Variants in SLC66A2 observed in about 807,000 individuals in gnomAD.
SLC66A2 encodes the protein solute carrier family 66 member 2, also known as PQ loop repeat containing 1.
In SLC66A2, 23 loss-of-function variants were observed where a neutral mutation model predicts 25.5. The ratio of observed to expected loss-of-function variants is 0.90; its 90% CI spans 0.65 to 1.28. SLC66A2 has a LOEUF of 1.28. Ranked by LOEUF, SLC66A2 falls within the 50% of genes most tolerant of loss-of-function variation. The pLI is 0.00. For synonymous variants in SLC66A2, 193 were observed against 166.5 expected, an observed-to-expected ratio of 1.16 and a Z score of -1.23; for missense variants, 396 against 373.1, an observed-to-expected ratio of 1.06 and a Z score of -0.51.
At chr18:79,930,802 T>C (rs1309346416) in intron 4 of SLC66A2, among the ~76,000 whole-genome samples, 1 of 152,208 alleles carries the variant, frequency 6.6e-6, no homozygotes, top group Non-Finnish European at 1.5e-5. Context: ...AATAACTCCA[T>C]AATATATGTT....
intron 3 of SLC66A2, among the ~76,000 whole-genome samples, chr18:79,938,729 T>C (rs1239386455): frequency 4.6e-5 from 7 of 152,218 alleles, no homozygotes; most frequent in Non-Finnish European, 2.9e-5. Context: ...CAGGCTGGAA[T>C]GCAATGGCCC....
At chr18:79,925,570 G>A (rs560955390) in intron 4 of SLC66A2, among the ~76,000 whole-genome samples, 2 of 152,358 alleles carry the variant, frequency 1.3e-5, no homozygotes, top group East Asian at 3.9e-4. Flanking sequence ...TCGCACGGGC[G>A]TGGCTGCCCT....
intron 5 of SLC66A2, among the ~76,000 whole-genome samples, chr18:79,913,207 ACACACTGTCGGGGTC>A (rs1350701494): frequency 2.0e-5 from 3 of 152,142 alleles, no homozygotes; most frequent in Non-Finnish European, 4.4e-5. Flanking sequence ...CACGGTGGTC[ACACACTGTCGGGGTC>A]CACACAGGCA....
chr18:79,919,481 G>C, intron 4 of SLC66A2, 81 bp from the exon 5 acceptor site: 1 of 1,181,314 alleles, frequency 8.5e-7, no homozygotes, highest in Non-Finnish European at 1.2e-6. Context: ...AGACGGAACC[G>C]AGTGAGAGGT....
Position 79,908,723 on chromosome 18 carries a change from G to A in SLC66A2, c.609-4540C>T, listed in dbSNP as rs563725079. ...TTTTCAATTGCTTCCTGTTCAGAAT[G>A]GACATTTTTTAATGATCTGCCTTCA... On this transcript the variant is annotated intron_variant, in intron 5 of 5. Coordinates refer to ENST00000397778, the MANE Select transcript of SLC66A2 (RefSeq NM_025078.5). Among the ~76,000 whole-genome samples the A allele has an allele frequency of 1.3e-5, 2 of 152,206 alleles. 1 individual carries two copies. The highest frequency in any genetic ancestry group is 4.8e-5 in the African/African-American group (2 of 41,520).
intron 4 of SLC66A2, chr18:79,930,144 G>A (rs1354200853): frequency 6.6e-6 from 1 of 152,134 alleles, no homozygotes; most frequent in African/African-American, 2.4e-5. Context: ...TCCACACCCT[G>A]ACACATCACA....
chr18:79,934,330 A>G (rs1452944745), intron 3 of SLC66A2, among the ~76,000 whole-genome samples: 1 of 152,240 alleles, frequency 6.6e-6, no homozygotes, highest in Non-Finnish European at 1.5e-5. Flanking sequence ...GAAAGGCAGC[A>G]TGGGAGCCCG....
At chr18:79,914,615 G>A (rs1003357236) in intron 5 of SLC66A2, among the ~76,000 whole-genome samples, 6 of 152,204 alleles carry the variant, frequency 3.9e-5, no homozygotes, top group Admixed American at 1.3e-4. Flanking sequence ...AACCCAGGCC[G>A]GGGAGGGCTG....
At chr18:79,932,576 A>G (rs997492372) in intron 4 of SLC66A2, among the ~76,000 whole-genome samples, 2 of 152,114 alleles carry the variant, frequency 1.3e-5, no homozygotes, top group Non-Finnish European at 2.9e-5. Flanking sequence ...AGACTGACCA[A>G]AAAAAGAAAG....
Position 79,908,095 on chromosome 18 carries a change from T to G in SLC66A2, c.609-3912A>C, listed in dbSNP as rs1599482568. Among the ~76,000 whole-genome samples, 4 of 152,300 alleles carry G rather than the reference T, an allele frequency of 2.6e-5. No individual in the cohort carries two copies. The South Asian group carries it at 8.3e-4, about 32-fold the overall frequency. ...ACAATGTTATATTTTTTGCTAACTT[T>G]CACACATATTTTAAATAACTTAAGA... is the stretch of plus-strand genomic sequence containing the variant. On this transcript the variant is annotated intron_variant, in intron 5 of 5. Transcript: ENST00000397778.
In SLC66A2 at chr18:79,945,606, A is replaced by G. The variant is rs1329333783; in HGVS notation, c.204-2144T>C. On this transcript the variant is annotated intron_variant, in intron 2 of 5. Coordinates refer to ENST00000397778, the MANE Select transcript of SLC66A2 (RefSeq NM_025078.5). ...AAGGGAGGGTGATGGGCCCGGGGAT[A>G]GAGGACGGCCAGCAGCAAAGAGGCA... is the stretch of plus-strand genomic sequence containing the variant. Among the ~76,000 whole-genome samples the G allele has an allele frequency of 5.3e-5, 8 of 152,356 alleles. No individual in the cohort carries two copies. In the South Asian group the frequency reaches 1.4e-3, roughly 28 times the overall value.
Position 79,903,900 on chromosome 18 carries a change from C to G in SLC66A2, c.*76G>C. The G allele has an allele frequency of 1.4e-6, 2 of 1,382,016 alleles. No homozygotes were observed. Among genetic ancestry groups the G allele is most frequent in the East Asian group, 2.5e-5 (1 of 39,966 alleles). The allele number at this position is 1,382,016 out of a possible 1,614,324, so 85.6% of individuals were successfully genotyped here. A position where few individuals can be genotyped will look rare whatever the true frequency, so the allele number is the denominator to read the frequency against. On this transcript the variant is annotated 3_prime_UTR_variant, in exon 6 of 6. Coordinates refer to ENST00000397778, the MANE Select transcript of SLC66A2 (RefSeq NM_025078.5). Reference sequence around the variant, plus strand: ...TGCCACACCTGCAGGGGCCACAGCACCCACCCTCCCCGCGGGGAGGTCAGG... The same window carrying G: ...TGCCACACCTGCAGGGGCCACAGCAGCCACCCTCCCCGCGGGGAGGTCAGG...
chr18:79,904,037 G>A lies in SLC66A2; in HGVS notation c.755C>T (p.Ala252Val). The change falls in exon 6 of 6, where the codon GCC becomes GTC. Residue 252 changes from alanine (A) to valine (V), a missense_variant. Coordinates refer to ENST00000397778, the MANE Select transcript of SLC66A2 (RefSeq NM_025078.5). This position sits in a 1 kb window ranked among gnomAD's most constrained non-coding sequence, Gnocchi z 6.3. ...LAILGQAYAF[A>V]RHPQKPAPHA... is the part of the protein sequence containing the mutation. ...GGGCGCCGGCTTCTGGGGGTGGCGG[G>A]CGAAGGCGTAGGCCTGCCCCAGGAT... 1 of 1,607,132 alleles carries A rather than the reference G, an allele frequency of 6.2e-7. No individual in the cohort carries two copies. The highest frequency in any genetic ancestry group is 1.1e-5 in the South Asian group (1 of 90,804).
intron 5 of SLC66A2, among the ~76,000 whole-genome samples, chr18:79,913,896 C>G (rs35602283): frequency 6.6e-6 from 1 of 152,294 alleles, no homozygotes; most frequent in Admixed American, 6.5e-5. Context: ...GCTCATGTCA[C>G]CATTCGCCAC....
chr18:79,947,756 TC>T (rs1274868088), intron 2 of SLC66A2, among the ~76,000 whole-genome samples: 4 of 151,402 alleles, frequency 2.6e-5, no homozygotes, highest in Non-Finnish European at 4.4e-5. Flanking sequence ...AAAGCACAAA[TC>T]CTCTGCCCTA....
At position 79,929,254 on chromosome 18, in the gene SLC66A2, T is replaced by A. The variant is rs139605458; in HGVS notation, c.391+4715A>T. Among the ~76,000 whole-genome samples the A allele has an allele frequency of 2.1e-3, 324 of 151,934 alleles. 1 individual carries two copies. The Middle Eastern group carries it at 0.037, about 18-fold the overall frequency. On this transcript the variant is annotated intron_variant, in intron 4 of 5. Transcript: ENST00000397778. ...ACCCTGCCCAGCTGTGGGGAATACA[T>A]CCCCCAGGGCATCATCAAATCAGCC... is the stretch of plus-strand genomic sequence containing the variant.
In SLC66A2 at chr18:79,947,906, G is replaced by A. The variant is rs1377550306; in HGVS notation, c.203+2818C>T. ...CTGCACAGCAGGACCTGGGGACCGG[G>A]TGGGCACAAGAGGATGTGTGGTAGG... is the stretch of plus-strand genomic sequence containing the variant. On this transcript the variant is annotated intron_variant, in intron 2 of 5. Coordinates refer to ENST00000397778, the MANE Select transcript of SLC66A2 (RefSeq NM_025078.5). 2.6e-5 allele frequency among the ~76,000 whole-genome samples: 4 copies of A among 152,176 alleles called. No individual in the cohort carries two copies. The East Asian group carries it at 7.7e-4, about 29-fold the overall frequency.
chr18:79,951,270 C>T (rs1484443564), intron 1 of SLC66A2, among the ~76,000 whole-genome samples: 9 of 151,380 alleles, frequency 5.9e-5, no homozygotes, highest in African/African-American at 2.2e-4. Flanking sequence ...CTGGGGTCAC[C>T]GCCCGGGTGC....
At position 79,918,420 on chromosome 18, in the gene SLC66A2, C is replaced by T. The variant is rs1203860543; in HGVS notation, c.608+764G>A. Among the ~76,000 whole-genome samples, 12 of 109,016 alleles carry T rather than the reference C, an allele frequency of 1.1e-4. 1 individual carries two copies. The highest frequency in any genetic ancestry group is 4.4e-4 in the Admixed American group (5 of 11,412). 71.5% of individuals were successfully genotyped at this position (109,016 alleles called of 152,430 possible). ...GCGGATCCCCAGTGAGGAGCGGGCC[C>T]GGGGGGGGGTCCCCAGTGAGGAGCG... On this transcript the variant is annotated intron_variant, in intron 5 of 5. Transcript: ENST00000397778. The surrounding 1 kb of genome is among the most constrained non-coding windows in gnomAD (Gnocchi z 4.0).
Sources: gnomAD v4.1 joint callset for allele counts (sites outside exome capture counted in the v4.1 genomes callset) on GRCh38, gnomAD v4.1.1 for gene constraint, Gnocchi (gnomAD v3.1) non-coding constraint, MANE v1.5 for transcripts, NCBI Gene and HGNC (gene_info 2026-07-23, HGNC 2026-07-21) for gene names.